ADGRL2: variants seen among roughly 807,000 people sequenced by gnomAD.
ADGRL2 encodes calcium-independent alpha-latrotoxin receptor 2.
Under a neutral mutation model 157.4 loss-of-function variants are expected in ADGRL2, and 44 were observed. The observed-to-expected ratio is 0.28, with a 90% CI of 0.22 to 0.36. ADGRL2 has a LOEUF of 0.36. ADGRL2 is among the 10% of genes least tolerant of loss of function. The pLI is 1.00. For synonymous variants in ADGRL2, 585 were observed against 624.7 expected (o/e 0.94, Z 0.95); for missense variants, 1,510 against 1,768.9 (o/e 0.85, Z 2.63).
chr1:81,648,818 T>C (rs2082359730), intron 3 of ADGRL2, among the ~76,000 whole-genome samples: 1 of 152,158 alleles, frequency 6.6e-6, no homozygotes, highest in Non-Finnish European at 1.5e-5. Context: ...AAAGGTATAA[T>C]TTAAATATGA....
chr1:81,671,056 C>A (rs1286926801), intron 3 of ADGRL2, among the ~76,000 whole-genome samples: 1 of 152,190 alleles, frequency 6.6e-6, no homozygotes, highest in Non-Finnish European at 1.5e-5. Flanking sequence ...ATTTGCAAGG[C>A]CTGGGCAAGA....
intron 1 of ADGRL2, among the ~76,000 whole-genome samples, chr1:81,336,579 T>C (rs1661656970): frequency 1.3e-5 from 2 of 152,162 alleles, no homozygotes; most frequent in South Asian, 4.1e-4. Flanking sequence ...CCTATATATG[T>C]ATGGCTGTCA....
At chr1:81,507,995 C>T (rs899241445) in intron 2 of ADGRL2, among the ~76,000 whole-genome samples, 6 of 152,182 alleles carry the variant, frequency 3.9e-5, no homozygotes, top group African/African-American at 1.4e-4. Flanking sequence ...CAATCTCCTT[C>T]TCTTGACTTT....
chr1:81,486,919 C>T (rs12025881), intron 2 of ADGRL2, among the ~76,000 whole-genome samples: 34,759 of 151,688 alleles, frequency 0.23, 4,243 homozygotes, highest in East Asian at 0.43. Flanking sequence ...GACTACCAGA[C>T]GGAAGTAATG....
At chr1:81,494,999 T>G (rs2078703425) in intron 2 of ADGRL2, among the ~76,000 whole-genome samples, 1 of 152,204 alleles carries the variant, frequency 6.6e-6, no homozygotes, top group Non-Finnish European at 1.5e-5. Flanking sequence ...CCTTTTAAGC[T>G]TTCAAATGCC....
rs147264284 is a variant in ADGRL2, at chr1:81,340,221, T to C, written c.-302+33712T>C. On this transcript the variant is annotated intron_variant, in intron 1 of 24. Transcript: ENST00000370721. ...TTAAAGATAGCATAAACAAACAGTA[T>C]GTTATCTCTACTTCAAATATAGATT... Among the ~76,000 whole-genome samples, 99 of 152,368 alleles carry C rather than the reference T, an allele frequency of 6.5e-4. 3 individuals are homozygous for C. The East Asian group carries it at 0.014, about 21-fold the overall frequency.
At chr1:81,454,329 T>G (rs72940968) in intron 2 of ADGRL2, among the ~76,000 whole-genome samples, 2,278 of 152,338 alleles carry the variant, frequency 0.015, 38 homozygotes, top group East Asian at 0.041. Context: ...TGAAATACTT[T>G]GTTATGCACA....
chr1:81,990,332 T>C (rs1241023252), intron 23 of ADGRL2, 59 bp from the exon 24 acceptor site: 1 of 1,550,754 alleles, frequency 6.4e-7, no homozygotes, highest in Non-Finnish European at 8.7e-7. Context: ...ACAAAAGAAA[T>C]AGAGTTTCTG....
intron 2 of ADGRL2, among the ~76,000 whole-genome samples, chr1:81,534,822 G>A (rs557009196): frequency 1.4e-4 from 21 of 152,188 alleles, no homozygotes; most frequent in Non-Finnish European, 2.9e-4. Context: ...TTGGTGGCTG[G>A]TAAGAACAGA....
chr1:81,905,135 T>G (rs1482217860), intron 2 of ADGRL2, among the ~76,000 whole-genome samples: 1 of 151,872 alleles, frequency 6.6e-6, no homozygotes, highest in Non-Finnish European at 1.5e-5. Context: ...TTGGCTCTTT[T>G]TGCCCAAGCT....
intron 11 of ADGRL2, among the ~76,000 whole-genome samples, chr1:81,957,310 T>C (rs545282016): frequency 3.5e-4 from 53 of 152,286 alleles, no homozygotes; most frequent in African/African-American, 1.3e-3. Context: ...TAATTATAGA[T>C]CCAAGATATT....
intron 1 of ADGRL2, among the ~76,000 whole-genome samples, chr1:81,315,068 C>A (rs74093307): frequency 0.014 from 2,181 of 152,250 alleles, 58 homozygotes; most frequent in African/African-American, 0.051. Flanking sequence ...GAAATAATTT[C>A]TCACCAGTAG....
intron 22 of ADGRL2, 70 bp downstream of exon 22, chr1:81,987,099 C>T (rs967710594): frequency 2.0e-6 from 3 of 1,522,016 alleles, no homozygotes; most frequent in Non-Finnish European, 2.7e-6. Context: ...TGCCCTGTTT[C>T]TAAAATATTC....
In ADGRL2 at chr1:81,502,418, G is replaced by A. The variant is rs554919695; in HGVS notation, c.-248+57329G>A. The A allele has an allele frequency of 5.2e-5, 84 of 1,614,126 alleles. No homozygotes were observed. The South Asian group carries it at 9.0e-4, about 17-fold the overall frequency. On this transcript the variant is annotated intron_variant, in intron 2 of 24. Coordinates refer to the ADGRL2 transcript ENST00000370721. Reference sequence around the variant, plus strand: ...AGATTTTGCCAAGCTGTATGAACTGGACGGTGATCCTGAAAGGAAAGAGTT... The same window carrying A: ...AGATTTTGCCAAGCTGTATGAACTGAACGGTGATCCTGAAAGGAAAGAGTT...
chr1:81,854,732 T>C (rs1398858298), intron 2 of ADGRL2, among the ~76,000 whole-genome samples: 1 of 152,096 alleles, frequency 6.6e-6, no homozygotes, highest in Non-Finnish European at 1.5e-5. Flanking sequence ...CAGCTGAAAC[T>C]CAAACAGCAG....
In ADGRL2 at chr1:81,511,775, A is replaced by G. The variant is rs529485522; in HGVS notation, c.-248+66686A>G. ...ACTTTGACACTATTTGGACCAAATT[A>G]TAGAGAAAACAATGTTCCGGAATTT... On this transcript the variant is annotated intron_variant, in intron 2 of 24. Transcript: ENST00000370721. Among the ~76,000 whole-genome samples the G allele has an allele frequency of 2.6e-5, 4 of 152,246 alleles. No individual in the cohort carries two copies. In the South Asian group the frequency reaches 8.3e-4, roughly 32 times the overall value.
At chr1:81,552,727 T>C (rs2148396633) in intron 2 of ADGRL2, among the ~76,000 whole-genome samples, 1 of 152,242 alleles carries the variant, frequency 6.6e-6, no homozygotes, top group Middle Eastern at 3.4e-3. Flanking sequence ...TTTCACATAT[T>C]GCTCAAGTAA....
At chr1:81,930,146 C>A (rs1390908636) in intron 3 of ADGRL2, among the ~76,000 whole-genome samples, 1 of 152,072 alleles carries the variant, frequency 6.6e-6, no homozygotes, top group Non-Finnish European at 1.5e-5. Context: ...ACAATTTATT[C>A]TGAGAGTATA....
chr1:81,323,264 C>T (rs886273769), intron 1 of ADGRL2, among the ~76,000 whole-genome samples: 1 of 151,488 alleles, frequency 6.6e-6, no homozygotes, highest in African/African-American at 2.4e-5. Flanking sequence ...TTATTTGAGG[C>T]AAAGTCTTGC....
Sources: gnomAD v4.1 joint callset for allele counts (sites outside exome capture counted in the v4.1 genomes callset) on GRCh38, gnomAD v4.1.1 for gene constraint, MANE v1.5 for transcripts, NCBI Gene and HGNC (gene_info 2026-07-23, HGNC 2026-07-21) for gene names.